Variants in KAT6A observed in about 807,000 individuals in gnomAD.
KAT6A encodes histone acetyltransferase KAT6A.
In KAT6A, 9 loss-of-function variants were observed where a neutral mutation model predicts 198.4. The observed-to-expected ratio is 0.05, with a 90% CI of 0.03 to 0.08. The LOEUF (loss-of-function observed/expected upper bound fraction) is 0.08, where lower values mean the gene tolerates loss of function less well. KAT6A is among the 10% of genes least tolerant of loss of function. KAT6A has a pLI of 1.00. For synonymous variants in KAT6A, 890 were observed against 883.0 expected (o/e 1.01, Z -0.14); for missense variants, 2,077 against 2,509.9 (o/e 0.83, Z 3.69).
At chr8:41,958,628 G>T (rs1229084650) in intron 8 of KAT6A, among the ~76,000 whole-genome samples, 1 of 152,154 alleles carries the variant, frequency 6.6e-6, no homozygotes, top group African/African-American at 2.4e-5. Context: ...TTGGAATTCT[G>T]AATTTTTCTG....
intron 16 of KAT6A, among the ~76,000 whole-genome samples, chr8:41,935,579 A>G (rs1274213957): frequency 6.6e-6 from 1 of 152,242 alleles, no homozygotes; most frequent in African/African-American, 2.4e-5. Flanking sequence ...ATGGTAAACT[A>G]TACGTAACAT....
At chr8:41,968,244 A>C (rs368532036) in intron 8 of KAT6A, among the ~76,000 whole-genome samples, 9 of 152,186 alleles carry the variant, frequency 5.9e-5, no homozygotes, top group African/African-American at 4.8e-5. Flanking sequence ...GGGCTAATAT[A>C]CAGAATCTAC....
rs1824194364 is a variant in KAT6A at position 41,978,697 on chromosome 8, G to A, written c.988C>T (p.Arg330Cys). Residue 330 changes from arginine to cysteine, a missense_variant, in exon 6 of 17, where the codon CGC becomes TGC. Arg to Cys is a radical substitution (Grantham distance 180). Transcript: ENST00000265713. ...LQKKAAQIKRRYTNPIGRPKN... is the reference protein window; with the variant it reads ...LQKKAAQIKRCYTNPIGRPKN... ...GGACGTCCTATTGGATTAGTATAGC[G>A]CCGTTTTATCTGTGCTGCCTTCTTT... 3.7e-6 allele frequency: 6 copies of A among 1,613,760 alleles called. No homozygotes were observed. The highest frequency in any genetic ancestry group is 3.3e-5 in the Admixed American group (2 of 59,996).
intron 2 of KAT6A, among the ~76,000 whole-genome samples, chr8:42,031,872 C>T (rs1180649448): frequency 6.6e-6 from 1 of 151,264 alleles, no homozygotes; most frequent in East Asian, 1.9e-4. Context: ...CTCAGGTGAT[C>T]CACCCACCTC....
At chr8:41,973,928 A>G (rs1823924580) in intron 8 of KAT6A, among the ~76,000 whole-genome samples, 1 of 152,154 alleles carries the variant, frequency 6.6e-6, no homozygotes, top group Non-Finnish European at 1.5e-5. Flanking sequence ...AGTATTCTAT[A>G]ATTGAACTTT....
chr8:41,956,072 C>T (rs1822902601), intron 8 of KAT6A, among the ~76,000 whole-genome samples: 1 of 152,082 alleles, frequency 6.6e-6, no homozygotes, highest in Admixed American at 6.5e-5. Flanking sequence ...ATCTCTATAC[C>T]CCTCATCCCT....
chr8:42,047,608 G>A (rs969476107), intron 2 of KAT6A, among the ~76,000 whole-genome samples: 5 of 151,942 alleles, frequency 3.3e-5, no homozygotes, highest in East Asian at 1.9e-4. Flanking sequence ...GTGGGGTCTC[G>A]CTATATTGCT....
chr8:41,985,945 T>C (rs1824580645), intron 3 of KAT6A, among the ~76,000 whole-genome samples: 1 of 152,058 alleles, frequency 6.6e-6, no homozygotes, highest in Non-Finnish European at 1.5e-5. Flanking sequence ...TTTGTTTGTT[T>C]GTTTGTTTTA....
At chr8:42,007,326 C>T (rs1399576703) in intron 2 of KAT6A, among the ~76,000 whole-genome samples, 2 of 152,194 alleles carry the variant, frequency 1.3e-5, no homozygotes, top group African/African-American at 4.8e-5. Flanking sequence ...GGGGAACTGA[C>T]TTAACCTGCC....
At position 41,964,555 on chromosome 8, in the gene KAT6A, C is replaced by T. The variant is rs75214248; in HGVS notation, c.1483-9144G>A. ...ACTAATGATACTCAAACGAAATGCT[C>T]GTAAGAACACTGCAGATTTTGAATT... On this transcript the variant is annotated intron_variant, in intron 8 of 16. Coordinates refer to ENST00000265713, the MANE Select transcript of KAT6A (RefSeq NM_006766.5). Among the ~76,000 whole-genome samples the T allele has an allele frequency of 1.8e-3, 269 of 149,986 alleles. 1 individual carries two copies. Among genetic ancestry groups the T allele is most frequent in the African/African-American group, 6.4e-3 (262 of 40,798 alleles).
chr8:42,009,737 A>G lies in KAT6A; in HGVS notation c.601-22174T>C, dbSNP rs145285959. Among the ~76,000 whole-genome samples, 97 of 151,598 alleles carry G rather than the reference A, an allele frequency of 6.4e-4. 1 individual carries two copies. The highest frequency in any genetic ancestry group is 2.3e-3 in the African/African-American group (94 of 41,304). ...AACATATGAAGACCTTGTCTCTACA[A>G]AAAATTTTAAGTATTAGCTGGGCAT... On this transcript the variant is annotated intron_variant, in intron 2 of 16. Coordinates refer to ENST00000265713, the MANE Select transcript of KAT6A (RefSeq NM_006766.5).
intron 2 of KAT6A, among the ~76,000 whole-genome samples, chr8:41,998,824 C>G (rs1176599818): frequency 6.6e-6 from 1 of 151,780 alleles, no homozygotes; most frequent in East Asian, 1.9e-4. Flanking sequence ...CTCAAAAGTA[C>G]ACACCTGCAA....
chr8:42,036,575 T>G (rs1435945233), intron 2 of KAT6A, among the ~76,000 whole-genome samples: 1 of 151,874 alleles, frequency 6.6e-6, no homozygotes, highest in East Asian at 1.9e-4. Context: ...ATCGCACCAC[T>G]GCACTCCAGC....
At chr8:41,987,904 G>A (rs576594656) in intron 2 of KAT6A, among the ~76,000 whole-genome samples, 3 of 152,286 alleles carry the variant, frequency 2.0e-5, no homozygotes, top group African/African-American at 4.8e-5. Context: ...CAGTGTAAGC[G>A]CTGAAAAAGC....
intron 8 of KAT6A, among the ~76,000 whole-genome samples, chr8:41,959,786 G>A (rs1319247020): frequency 6.6e-6 from 1 of 152,000 alleles, no homozygotes; most frequent in Non-Finnish European, 1.5e-5. Flanking sequence ...GTGAAACCCC[G>A]TCTCTACTAA....
intron 2 of KAT6A, among the ~76,000 whole-genome samples, chr8:42,034,721 T>A (rs1460508705): frequency 6.6e-6 from 1 of 152,186 alleles, no homozygotes; most frequent in Non-Finnish European, 1.5e-5. Flanking sequence ...AAGAGCTCAA[T>A]AGCTACACAT....
intron 2 of KAT6A, among the ~76,000 whole-genome samples, chr8:41,998,402 G>C (rs1825330995): frequency 6.6e-6 from 1 of 152,042 alleles, no homozygotes; most frequent in African/African-American, 2.4e-5. Flanking sequence ...AAAACGTATG[G>C]TTCTCTTCCA....
chr8:41,973,288 C>T (rs1412767759), intron 8 of KAT6A, among the ~76,000 whole-genome samples: 6 of 151,306 alleles, frequency 4.0e-5, no homozygotes, highest in East Asian at 1.9e-4. Flanking sequence ...TGGTGTGGCA[C>T]GATCTCGGCT....
chr8:42,005,713 G>C (rs934820967), intron 2 of KAT6A, among the ~76,000 whole-genome samples: 1 of 151,502 alleles, frequency 6.6e-6, no homozygotes, highest in African/African-American at 2.4e-5. Context: ...ACTATACAAA[G>C]GATGTCTAGA....
Sources: allele counts gnomAD v4.1 joint callset (sites outside exome capture counted in the v4.1 genomes callset), GRCh38; gene constraint gnomAD v4.1.1; transcripts MANE v1.5; gene names NCBI Gene and HGNC (gene_info 2026-07-23, HGNC 2026-07-21).